NEURL4: variants seen among roughly 807,000 people sequenced by gnomAD.
NEURL4 encodes neuralized E3 ubiquitin protein ligase 4, also known as neuralized-like protein 4.
NEURL4 carries 45 observed loss-of-function variants against 148.0 expected under a neutral mutation model. That is an observed-to-expected ratio of 0.30 (90% confidence interval 0.24 to 0.39). The LOEUF is 0.39. Ranked by LOEUF, NEURL4 falls within the 10% of genes least tolerant of loss-of-function variation. The probability of loss-of-function intolerance (pLI) is 1.00; values close to 1 mark genes in which losing one functional copy is unlikely to be tolerated. For synonymous variants in NEURL4, 854 were observed against 869.0 expected, an observed-to-expected ratio of 0.98 and a Z score of 0.30; for missense variants, 1,776 against 2,144.0, an observed-to-expected ratio of 0.83 and a Z score of 3.39.
intron 8 of NEURL4, 65 bp downstream of exon 8, chr17:7,325,144 T>TTGGGGGGGGGGGGGGGGGG: frequency 9.4e-6 from 9 of 956,478 alleles, no homozygotes; most frequent in Non-Finnish European, 1.4e-5. Flanking sequence ...TCCACTTCCT[T>TTGGGGGGGGGGGGGGGGGG]GCCCCGCCCC....
rs1378540618 is a variant in NEURL4 at position 7,329,143 on chromosome 17, C to G, written c.170G>C (p.Cys57Ser). Residue 57 changes from cysteine to serine, a missense_variant, in exon 1 of 29, where the codon TGT becomes TCT. Transcript: ENST00000399464. ...RTGRLVSLSA[C>S]GRTARRQQPG... ...CTGCTGCCGCCGCGCCGTACGCCCA[C>G]AGGCCGACAGGCTCACCAAGCGCCC... is the stretch of plus-strand genomic sequence containing the variant. 6.2e-7 allele frequency: 1 copy of G among 1,608,536 alleles called. No homozygotes were observed. Among genetic ancestry groups the G allele is most frequent in the East Asian group, 2.2e-5 (1 of 44,788 alleles).
Position 7,327,401 on chromosome 17 carries a change from GT to G in NEURL4, c.727+38del. The G allele has an allele frequency of 6.7e-7, 1 of 1,501,556 alleles. No individual in the cohort carries two copies. Among genetic ancestry groups the G allele is most frequent in the Non-Finnish European group, 9.0e-7 (1 of 1,110,340 alleles). The allele number at this position is 1,501,556 out of a possible 1,614,324, so 93.0% of individuals were successfully genotyped here. On this transcript the variant is annotated intron_variant, in intron 2 of 28. Transcript: ENST00000399464. The surrounding 1 kb of genome is among the most constrained non-coding windows in gnomAD (Gnocchi z 6.6). ...CTTGTCACTCTATTTCCCCCATTCCGTCCCCACCCCACCACCACTGCCCTAG... is the reference window on the plus strand; with the variant it reads ...CTTGTCACTCTATTTCCCCCATTCCGCCCCACCCCACCACCACTGCCCTAG...
intron 1 of NEURL4, among the ~76,000 whole-genome samples, chr17:7,328,745 GC>G (rs1303061380): frequency 6.6e-6 from 1 of 152,164 alleles, no homozygotes; most frequent in Non-Finnish European, 1.5e-5. Context: ...CATCCTCCAT[GC>G]CCAAGAAATT....
intron 21 of NEURL4, among the ~76,000 whole-genome samples, chr17:7,320,250 A>G (rs987918524): frequency 2.0e-5 from 3 of 151,628 alleles, no homozygotes; most frequent in African/African-American, 7.3e-5. Context: ...CTCCCACCTC[A>G]GCCTCCCGAG....
chr17:7,315,665 C>T lies in NEURL4; in HGVS notation c.*458G>A, dbSNP rs986395463. 5.0e-6 allele frequency: 2 copies of T among 403,300 alleles called. No homozygotes were observed. The highest frequency in any genetic ancestry group is 4.1e-5 in the African/African-American group (2 of 48,770). 25.0% of individuals were successfully genotyped at this position (403,300 alleles called of 1,614,324 possible). A position where few individuals can be genotyped will look rare whatever the true frequency, so the allele number is the denominator to read the frequency against. ...CGGTGTTTATTGGCTCCTTAGAAAT[C>T]AGAGTCAGTAACAACTGTACAGAGG... On this transcript the variant is annotated 3_prime_UTR_variant, in exon 29 of 29. Transcript: ENST00000399464.
rs761811050 is a variant in NEURL4, at chr17:7,318,226, G to T, written c.3952+43C>A. ...GGAGCTGGGCTAGAAGGGTGAGGGTGGGGGAGTAGGGGCAGGAGCTGGGTC... is the reference window on the plus strand; with the variant it reads ...GGAGCTGGGCTAGAAGGGTGAGGGTTGGGGAGTAGGGGCAGGAGCTGGGTC... On this transcript the variant is annotated intron_variant, in intron 24 of 28. Transcript: ENST00000399464. This position sits in a 1 kb window ranked among gnomAD's most constrained non-coding sequence, Gnocchi z 4.3. 1.9e-6 allele frequency: 3 copies of T among 1,609,178 alleles called. No homozygotes were observed. Among genetic ancestry groups the T allele is most frequent in the Middle Eastern group, 1.7e-4 (1 of 6,058 alleles).
In NEURL4 at chr17:7,327,230, G is replaced by C. The variant is rs982523445; in HGVS notation, c.728C>G (p.Ala243Gly). The change falls in exon 3 of 29, where the codon GCC (alanine) becomes GGC (glycine). Residue 243 changes from alanine (A) to glycine (G), a missense_variant and splice_region_variant. Ala to Gly is a moderately conservative substitution (Grantham distance 60). Transcript: ENST00000399464. This position sits in a 1 kb window ranked among gnomAD's most constrained non-coding sequence, Gnocchi z 6.6. ...GGCCTGCGCTGGGGACACCATGAAG[G>C]CTGGGGACCAGGTGGGATGGGAGGG... Reference protein sequence around the residue: ...LAEQGTSADEAFMVSPAQARP... With the variant: ...LAEQGTSADEGFMVSPAQARP... The C allele has an allele frequency of 6.2e-7, 1 of 1,608,386 alleles. No individual in the cohort carries two copies. The highest frequency in any genetic ancestry group is 1.1e-5 in the South Asian group (1 of 90,648).
chr17:7,320,725 C>T (rs770359592), intron 21 of NEURL4, 34 bp downstream of exon 21: 98 of 1,592,842 alleles, frequency 6.2e-5, no homozygotes, highest in East Asian at 9.0e-5. Context: ...CACTGTGGAG[C>T]GAGAGAAGCT....
intron 14 of NEURL4, 45 bp from the exon 15 acceptor site, chr17:7,323,168 T>C (rs771698482): frequency 6.3e-6 from 10 of 1,588,306 alleles, no homozygotes; most frequent in Non-Finnish European, 8.6e-6. Flanking sequence ...CAACTTCAAC[T>C]TCACATTGGC....
intron 1 of NEURL4, among the ~76,000 whole-genome samples, chr17:7,328,824 C>G (rs1182637803): frequency 6.6e-6 from 1 of 152,162 alleles, no homozygotes; most frequent in Non-Finnish European, 1.5e-5. Context: ...GGTTCTGGAT[C>G]TTGAGAAAAC....
intron 8 of NEURL4, 65 bp downstream of exon 8, chr17:7,325,144 T>TGGGGGGGGGGGGCG: frequency 1.0e-6 from 1 of 956,488 alleles, no homozygotes; most frequent in Non-Finnish European, 1.5e-6. Flanking sequence ...TCCACTTCCT[T>TGGGGGGGGGGGGCG]GCCCCGCCCC....
chr17:7,326,326 C>T lies in NEURL4; in HGVS notation c.1222G>A (p.Gly408Ser). 6.2e-7 allele frequency: 1 copy of T among 1,614,172 alleles called. No homozygotes were observed. Among genetic ancestry groups the T allele is most frequent in the Non-Finnish European group, 8.5e-7 (1 of 1,180,014 alleles). Residue 408 changes from glycine (G) to serine (S), a missense_variant, in exon 6 of 29, where the codon GGC becomes AGC. Gly to Ser is a moderately conservative substitution (Grantham distance 56). Transcript: ENST00000399464. The surrounding 1 kb of genome is among the most constrained non-coding windows in gnomAD (Gnocchi z 6.0). ...NLQSGTIMMS[G>S]CGILTNGKGT... ...TTGCCATTGGTCAGGATTCCACAGC[C>T]GCTCATCATGATGGTGCCTGGGTGA...
intron 8 of NEURL4, 47 bp downstream of exon 8, chr17:7,325,162 C>CCCCA: frequency 2.7e-6 from 2 of 748,830 alleles, no homozygotes; most frequent in South Asian, 1.5e-5. Context: ...CCCCCCCCCC[C>CCCCA]CATTAGAATC....
intron 22 of NEURL4, 36 bp downstream of exon 22, chr17:7,319,014 G>T (rs763624486): frequency 7.1e-5 from 112 of 1,576,552 alleles, no homozygotes; most frequent in Non-Finnish European, 9.0e-5. Context: ...CTACTCACAG[G>T]CCTGGTCCTG....
chr17:7,326,657 C>T lies in NEURL4; in HGVS notation c.1092+54G>A, dbSNP rs1597639123. 3.1e-6 allele frequency: 5 copies of T among 1,603,986 alleles called. No homozygotes were observed. In the East Asian group the frequency reaches 8.9e-5, roughly 29 times the overall value. On this transcript the variant is annotated intron_variant, in intron 4 of 28. Transcript: ENST00000399464. The surrounding 1 kb of genome is among the most constrained non-coding windows in gnomAD (Gnocchi z 6.0). ...CCCTCCTAGCACCAAGGGTCAATCC[C>T]CATCTTTAGCTCCCAGGGATAAGGC...
Position 7,323,891 on chromosome 17 carries a change from G to A in NEURL4, c.2184C>T (p.Val728=). 6.2e-7 allele frequency: 1 copy of A among 1,613,966 alleles called. No individual in the cohort carries two copies. The highest frequency in any genetic ancestry group is 8.5e-7 in the Non-Finnish European group (1 of 1,180,030). Residue 728 remains valine, a synonymous_variant, in exon 12 of 29, where the codon GTC becomes GTT. Coordinates refer to ENST00000399464, the MANE Select transcript of NEURL4 (RefSeq NM_032442.3). The part of the protein sequence containing the change: ...RFHQLHGSNA[V]ITNGGRTALR... The stretch of plus-strand genomic sequence containing the variant: ...GGGCGGTGCGGCCCCCGTTAGTGAT[G>A]ACTGCGTTACTGCCGTGCAGCTGAT...
At position 7,326,551 on chromosome 17, in the gene NEURL4, G is replaced by C; in HGVS notation, c.1093-3C>G. 1 of 1,613,716 alleles carries C rather than the reference G, an allele frequency of 6.2e-7. No individual in the cohort carries two copies. The highest frequency in any genetic ancestry group is 8.5e-7 in the Non-Finnish European group (1 of 1,179,662). On this transcript the variant is annotated splice_polypyrimidine_tract_variant and splice_region_variant and intron_variant, in intron 4 of 28. Coordinates refer to ENST00000399464, the MANE Select transcript of NEURL4 (RefSeq NM_032442.3). The surrounding 1 kb of genome is among the most constrained non-coding windows in gnomAD (Gnocchi z 6.0). ...TCAACAAGCTTGTCGATACGGATCT[G>C]GCATTGAGGGACAGAAGGGAGAAGC...
intron 7 of NEURL4, 43 bp from the exon 8 acceptor site, chr17:7,325,516 A>C (rs747545957): frequency 1.2e-6 from 2 of 1,602,386 alleles, no homozygotes; most frequent in Admixed American, 3.4e-5. Flanking sequence ...GACAGGGAGA[A>C]TGAGGGGAGA....
chr17:7,317,501 G>A lies in NEURL4; in HGVS notation c.4278C>T (p.Ala1426=), dbSNP rs771352286. The A allele has an allele frequency of 2.4e-5, 38 of 1,614,126 alleles. 1 individual carries two copies. The highest frequency in any genetic ancestry group is 1.5e-4 in the South Asian group (14 of 91,076). Residue 1426 remains alanine, a synonymous_variant, in exon 27 of 29, where the codon GCC becomes GCT. Transcript: ENST00000399464. The part of the protein sequence containing the change: ...WHMAYHGSNV[A]AVRRVLDRGE... ...CTCGGTCCAGCACTCTCCGTACAGCGGCAACATTGCTCCCGTGATATGCCA... is the reference window on the plus strand; with the variant it reads ...CTCGGTCCAGCACTCTCCGTACAGCAGCAACATTGCTCCCGTGATATGCCA...
Sources: allele counts gnomAD v4.1 joint callset (sites outside exome capture counted in the v4.1 genomes callset), GRCh38; gene constraint gnomAD v4.1.1; non-coding constraint Gnocchi (gnomAD v3.1); transcripts MANE v1.5; gene names NCBI Gene and HGNC (gene_info 2026-07-23, HGNC 2026-07-21).